TOX3: variants seen among roughly 807,000 people sequenced by gnomAD.
TOX3 encodes the protein CAG trinucleotide repeat-containing gene F9 protein.
Under a neutral mutation model 64.3 loss-of-function variants are expected in TOX3, and 22 were observed. The observed-to-expected ratio is 0.34, with a 90% CI of 0.24 to 0.49. The LOEUF is 0.49. Ranked by LOEUF, TOX3 falls within the 20% of genes least tolerant of loss-of-function variation. The pLI, the probability that TOX3 is intolerant of heterozygous loss-of-function variation, is 0.99. For missense variants in TOX3, 661 were observed against 714.4 expected (o/e 0.93, Z 0.85); for synonymous variants, 291 against 273.6 (o/e 1.06, Z -0.63).
In TOX3 at chr16:52,455,108, G is replaced by A. The variant is rs114364249; in HGVS notation, c.409-4562C>T. ...CAACAATAAGAGCTGAATGCTGGTA[G>A]CTTTTTCAACTCCTTTCACAATTAC... is the stretch of plus-strand genomic sequence containing the variant. On this transcript the variant is annotated intron_variant, in intron 3 of 6. Transcript: ENST00000219746. Among the ~76,000 whole-genome samples the A allele has an allele frequency of 4.5e-3, 686 of 152,268 alleles. 6 individuals are homozygous for A. Among genetic ancestry groups the A allele is most frequent in the African/African-American group, 0.016 (645 of 41,548 alleles).
chr16:52,478,505 A>C (rs1187988668), intron 1 of TOX3, among the ~76,000 whole-genome samples: 1 of 152,148 alleles, frequency 6.6e-6, no homozygotes, highest in African/African-American at 2.4e-5. Flanking sequence ...ATACAAAGTC[A>C]CTCATCACTG....
intron 1 of TOX3, among the ~76,000 whole-genome samples, chr16:52,498,596 G>A (rs749135574): frequency 6.6e-6 from 1 of 152,086 alleles, no homozygotes; most frequent in Non-Finnish European, 1.5e-5. Flanking sequence ...GTTGGGGGGG[G>A]GAGGCTGTAT....
intron 1 of TOX3, among the ~76,000 whole-genome samples, chr16:52,510,907 A>G: frequency 6.6e-6 from 1 of 152,124 alleles, no homozygotes; most frequent in East Asian, 1.9e-4. Flanking sequence ...CAGAGCACCT[A>G]AATTTTGGAT....
intron 5 of TOX3, chr16:52,444,894 A>T (rs1162012667): frequency 6.6e-6 from 1 of 152,234 alleles, no homozygotes; most frequent in African/African-American, 2.4e-5. Context: ...CAAAATTAAA[A>T]GTCAGAAATC....
intron 3 of TOX3, among the ~76,000 whole-genome samples, chr16:52,457,866 C>G (rs989612491): frequency 6.6e-6 from 1 of 152,118 alleles, no homozygotes; most frequent in African/African-American, 2.4e-5. Context: ...AATAACTACT[C>G]TCAGGGTTGT....
At chr16:52,444,450 A>C in intron 5 of TOX3, 94 bp from the exon 6 acceptor site, 62 of 1,103,944 alleles carry the variant, frequency 5.6e-5, no homozygotes, top group Non-Finnish European at 6.8e-5. Flanking sequence ...AACACAACTC[A>C]CATAAAAAGG....
chr16:52,481,248 G>A (rs879546567), intron 1 of TOX3, among the ~76,000 whole-genome samples: 4 of 152,272 alleles, frequency 2.6e-5, no homozygotes, highest in East Asian at 1.9e-4. Context: ...TCTCTTAAAT[G>A]TGTTTCAAAT....
intron 1 of TOX3, among the ~76,000 whole-genome samples, chr16:52,546,238 C>A (rs1205978966): frequency 4.6e-5 from 7 of 152,128 alleles, no homozygotes; most frequent in Admixed American, 1.3e-4. Flanking sequence ...AGGGCAAGAT[C>A]ATCGGACCAG....
At chr16:52,502,121 C>T (rs1379147878) in intron 1 of TOX3, among the ~76,000 whole-genome samples, 3 of 152,206 alleles carry the variant, frequency 2.0e-5, no homozygotes, top group African/African-American at 7.2e-5. Flanking sequence ...CCTTCCAAGC[C>T]TGTAGGCACT....
chr16:52,522,966 CAA>C (rs1962643170), intron 1 of TOX3, among the ~76,000 whole-genome samples: 1 of 152,158 alleles, frequency 6.6e-6, no homozygotes, highest in Non-Finnish European at 1.5e-5. Context: ...AAGCAACGAA[CAA>C]AAGAGACAGA....
At chr16:52,449,205 C>T (rs773732804) in intron 4 of TOX3, among the ~76,000 whole-genome samples, 2 of 152,138 alleles carry the variant, frequency 1.3e-5, no homozygotes, top group Non-Finnish European at 2.9e-5. Flanking sequence ...ATTACTTATG[C>T]CATTCCTCGA....
chr16:52,498,409 AC>A (rs2151462729), intron 1 of TOX3, among the ~76,000 whole-genome samples: 1 of 152,326 alleles, frequency 6.6e-6, no homozygotes, highest in Non-Finnish European at 1.5e-5. Flanking sequence ...AATACTGCTC[AC>A]TTTTAGCCCA....
rs932028493 is a variant in TOX3, at chr16:52,510,533, A to T, written c.87+36104T>A. Among the ~76,000 whole-genome samples the T allele has an allele frequency of 3.9e-5, 6 of 152,242 alleles. No individual in the cohort carries two copies. The East Asian group carries it at 1.2e-3, about 29-fold the overall frequency. Reference sequence around the variant, plus strand: ...CACTTTGGGAGGCCAAGGCAGGCAGATCACTTGAGGTCAGAAGTTTGAGAC... The same window carrying T: ...CACTTTGGGAGGCCAAGGCAGGCAGTTCACTTGAGGTCAGAAGTTTGAGAC... On this transcript the variant is annotated intron_variant, in intron 1 of 6. Transcript: ENST00000219746.
intron 1 of TOX3, among the ~76,000 whole-genome samples, chr16:52,530,447 C>T (rs1333880059): frequency 6.6e-6 from 1 of 151,982 alleles, no homozygotes; most frequent in African/African-American, 2.4e-5. Flanking sequence ...AGCAATTCTC[C>T]GGCCTCAATC....
intron 1 of TOX3, among the ~76,000 whole-genome samples, chr16:52,513,574 G>T (rs1005602545): frequency 2.6e-5 from 4 of 152,156 alleles, no homozygotes; most frequent in African/African-American, 7.2e-5. Flanking sequence ...TCCTATAAGG[G>T]CTGAGTAAAT....
At chr16:52,497,138 C>G (rs1961870192) in intron 1 of TOX3, among the ~76,000 whole-genome samples, 1 of 152,128 alleles carries the variant, frequency 6.6e-6, no homozygotes, top group Non-Finnish European at 1.5e-5. Context: ...TCTCCCTTAG[C>G]CTCAAAGGGG....
intron 1 of TOX3, among the ~76,000 whole-genome samples, chr16:52,536,311 T>C (rs926666667): frequency 6.6e-6 from 1 of 151,980 alleles, no homozygotes; most frequent in Non-Finnish European, 1.5e-5. Flanking sequence ...AAATTGAGAT[T>C]TTTTTAATGG....
chr16:52,531,745 G>A (rs1596864429), intron 1 of TOX3, among the ~76,000 whole-genome samples: 1 of 152,154 alleles, frequency 6.6e-6, no homozygotes. Context: ...AAGGAAAATG[G>A]TAGCTGTCTA....
intron 1 of TOX3, among the ~76,000 whole-genome samples, chr16:52,515,205 G>T (rs1445436386): frequency 6.7e-6 from 1 of 148,964 alleles, no homozygotes; most frequent in South Asian, 2.1e-4. Context: ...AAAAGAAAAA[G>T]AAAAAGAAAG....
Sources: gnomAD v4.1 joint callset for allele counts (sites outside exome capture counted in the v4.1 genomes callset) on GRCh38, gnomAD v4.1.1 for gene constraint, MANE v1.5 for transcripts, NCBI Gene and HGNC (gene_info 2026-07-23, HGNC 2026-07-21) for gene names.